The following TGFA variants were observed in gnomAD, a reference collection of about 807,000 sequenced individuals.
The protein encoded by TGFA is transforming growth factor alpha.
A neutral mutation model predicts 21.7 loss-of-function variants in TGFA; 12 were observed. The observed-to-expected ratio is 0.55, with a 90% CI of 0.35 to 0.90. TGFA has a LOEUF of 0.90. Ranked by LOEUF, TGFA falls within the 40% of genes least tolerant of loss-of-function variation. The pLI, the probability that TGFA is intolerant of heterozygous loss-of-function variation, is 0.01. For missense variants in TGFA, 178 were observed against 210.8 expected, an observed-to-expected ratio of 0.84 and a Z score of 0.96; for synonymous variants, 79 against 88.1, an observed-to-expected ratio of 0.90 and a Z score of 0.58.
At chr2:70,460,381 T>TAA (rs544403187) in intron 3 of TGFA, among the ~76,000 whole-genome samples, 141 of 91,934 alleles carry the variant, frequency 1.5e-3, no homozygotes, top group East Asian at 0.01. Flanking sequence ...CATACTTTTT[T>TAA]TAAAAAAAAA....
intron 2 of TGFA, among the ~76,000 whole-genome samples, chr2:70,506,671 C>T (rs2103831458): frequency 6.6e-6 from 1 of 152,322 alleles, no homozygotes; most frequent in Non-Finnish European, 1.5e-5. Context: ...GTTGCAAGTG[C>T]TTTATAGTCA....
chr2:70,535,184 A>G (rs1488685109), intron 1 of TGFA, among the ~76,000 whole-genome samples: 2 of 150,852 alleles, frequency 1.3e-5, no homozygotes, highest in Non-Finnish European at 2.9e-5. Context: ...TTTAGAAGAA[A>G]GCACCCTTGC....
intron 1 of TGFA, among the ~76,000 whole-genome samples, chr2:70,521,230 G>C (rs1432935035): frequency 3.3e-5 from 5 of 152,108 alleles, no homozygotes; most frequent in Admixed American, 2.0e-4. Context: ...CCCAAGTCCT[G>C]AGTAGAGATT....
In TGFA at chr2:70,521,905, A is replaced by G. The variant is rs13382935; in HGVS notation, c.41-6993T>C. On this transcript the variant is annotated intron_variant, in intron 1 of 5. Transcript: ENST00000295400. Reference sequence around the variant, plus strand: ...TGGGATTACAGGCGCAGGCCACCGTACCGAACCTATTGACAGTTTTCATTC... The same window carrying G: ...TGGGATTACAGGCGCAGGCCACCGTGCCGAACCTATTGACAGTTTTCATTC... Among the ~76,000 whole-genome samples, 1,332 of 152,032 alleles carry G rather than the reference A, an allele frequency of 8.8e-3. 15 individuals carry two copies. The highest frequency in any genetic ancestry group is 0.03 in the African/African-American group (1,255 of 41,486).
chr2:70,551,476 G>C (rs1312045923), intron 1 of TGFA, among the ~76,000 whole-genome samples: 1 of 152,134 alleles, frequency 6.6e-6, no homozygotes, highest in Non-Finnish European at 1.5e-5. Flanking sequence ...CTAGCCCCAC[G>C]GAGGTTTCCT....
intron 2 of TGFA, among the ~76,000 whole-genome samples, chr2:70,507,544 T>C (rs1195676929): frequency 6.6e-6 from 1 of 152,228 alleles, no homozygotes; most frequent in Non-Finnish European, 1.5e-5. Context: ...ACTATTTTCC[T>C]CTTGTTGACA....
At chr2:70,494,375 G>A (rs782741649) in intron 2 of TGFA, among the ~76,000 whole-genome samples, 3 of 152,152 alleles carry the variant, frequency 2.0e-5, no homozygotes, top group South Asian at 2.1e-4. Context: ...TCAGCCTTCT[G>A]CACCAAATGA....
intron 2 of TGFA, among the ~76,000 whole-genome samples, chr2:70,499,758 A>C (rs1671682491): frequency 1.3e-5 from 2 of 152,210 alleles, no homozygotes; most frequent in African/African-American, 2.4e-5. Context: ...GGACATGAGA[A>C]AGCACTCAAC....
At chr2:70,476,080 CAAAAAAAAAAAA>C (rs1175233983) in intron 2 of TGFA, among the ~76,000 whole-genome samples, 6 of 55,632 alleles carry the variant, frequency 1.1e-4, no homozygotes, top group Non-Finnish European at 1.6e-4. Flanking sequence ...TAATTTTAAG[CAAAAAAAAAAAA>C]AAAAAAAAAA....
intron 1 of TGFA, among the ~76,000 whole-genome samples, chr2:70,524,261 G>A (rs13418786): frequency 0.02 from 2,993 of 152,326 alleles, 93 homozygotes; most frequent in African/African-American, 0.068. Flanking sequence ...GATGCAGCAC[G>A]CATCTGGCTA....
Position 70,539,396 on chromosome 2 carries a change from G to GAA in TGFA, c.40+14330_40+14331dup, listed in dbSNP as rs111958665. On this transcript the variant is annotated intron_variant, in intron 1 of 5. Coordinates refer to ENST00000295400, the MANE Select transcript of TGFA (RefSeq NM_003236.4). ...CACAGCCTGAAGCAATCCAATGGAA[G>GAA]AAAAAAAAATCACAATTTACATAAA... Among the ~76,000 whole-genome samples, 20 of 151,342 alleles carry GAA rather than the reference G, an allele frequency of 1.3e-4. No homozygotes were observed. The East Asian group carries it at 1.8e-3, about 13-fold the overall frequency.
At chr2:70,476,080 C>CAAAAAAAAAAAAAAAAAAA (rs1175233983) in intron 2 of TGFA, among the ~76,000 whole-genome samples, 2 of 55,652 alleles carry the variant, frequency 3.6e-5, no homozygotes, top group Admixed American at 2.9e-4. Context: ...TAATTTTAAG[C>CAAAAAAAAAAAAAAAAAAA]AAAAAAAAAA....
Position 70,456,398 on chromosome 2 carries a change from G to C in TGFA, c.306C>G (p.Ala102=), listed in dbSNP as rs142836881. 1.3e-4 allele frequency: 211 copies of C among 1,586,076 alleles called. No homozygotes were observed. Among genetic ancestry groups the C allele is most frequent in the Middle Eastern group, 1.2e-3 (7 of 6,028 alleles). ...AASQKKQAIT[A]LVVVSIVALA... The stretch of plus-strand genomic sequence containing the variant: ...GGGCCACGATGGAGACCACCACCAA[G>C]GCGGTGATGGCCTGCTTCTTCTGGC... The change falls in exon 4 of 6, where the codon GCC becomes GCG. Residue 102 remains alanine, a synonymous_variant. Coordinates refer to ENST00000295400, the MANE Select transcript of TGFA (RefSeq NM_003236.4).
Position 70,453,244 on chromosome 2 carries a change from C to G in TGFA, c.449G>C (p.Arg150Thr), listed in dbSNP as rs782001599. The change falls in exon 5 of 6, where the codon AGA becomes ACA. Residue 150 changes from arginine to threonine, a missense_variant. Physicochemically the swap from Arg to Thr is moderately conservative, Grantham distance 71 (BLOSUM62 -1). Coordinates refer to ENST00000295400, the MANE Select transcript of TGFA (RefSeq NM_003236.4). ...TGTTTCTGAGTGGCAGCAAGCGGTT[C>G]TTCCCTTCAGGAGGGCGCTGGGCTT... Reference protein sequence around the residue: ...HEKPSALLKGRTACCHSETVV With the variant: ...HEKPSALLKGTTACCHSETVV 1 of 1,613,996 alleles carries G rather than the reference C, an allele frequency of 6.2e-7. No individual in the cohort carries two copies. The highest frequency in any genetic ancestry group is 1.1e-5 in the South Asian group (1 of 91,064).
chr2:70,511,738 A>T (rs1672107320), intron 2 of TGFA, among the ~76,000 whole-genome samples: 1 of 152,180 alleles, frequency 6.6e-6, no homozygotes, highest in Admixed American at 6.5e-5. Context: ...TTAGAAAGAT[A>T]GGGAGAATAG....
chr2:70,503,125 G>C (rs1170012), intron 2 of TGFA, among the ~76,000 whole-genome samples: 1 of 152,080 alleles, frequency 6.6e-6, no homozygotes, highest in African/African-American at 2.4e-5. Context: ...ACATGCACAC[G>C]TATGTTTATT....
intron 2 of TGFA, among the ~76,000 whole-genome samples, chr2:70,502,627 TC>T (rs1466881735): frequency 6.6e-6 from 1 of 152,188 alleles, no homozygotes; most frequent in Non-Finnish European, 1.5e-5. Context: ...GCTGATCTGT[TC>T]TTTAAGTGTC....
intron 1 of TGFA, among the ~76,000 whole-genome samples, chr2:70,523,475 C>G (rs533135920): frequency 1.3e-5 from 2 of 152,296 alleles, no homozygotes; most frequent in South Asian, 4.1e-4. Flanking sequence ...CCAAATGTTT[C>G]TACCTAGTCC....
chr2:70,492,225 A>G (rs1475831880), intron 2 of TGFA, among the ~76,000 whole-genome samples: 2 of 152,222 alleles, frequency 1.3e-5, no homozygotes, highest in Non-Finnish European at 2.9e-5. Context: ...TCCTATATTG[A>G]TGCGAGCTAC....
Sources: gnomAD v4.1 joint callset for allele counts (sites outside exome capture counted in the v4.1 genomes callset) on GRCh38, gnomAD v4.1.1 for gene constraint, MANE v1.5 for transcripts, NCBI Gene and HGNC (gene_info 2026-07-23, HGNC 2026-07-21) for gene names.